DLG2: variants seen among roughly 807,000 people sequenced by gnomAD.
DLG2 encodes the protein discs large MAGUK scaffold protein 2.
DLG2 carries 45 observed loss-of-function variants against 132.5 expected under a neutral mutation model. The ratio of observed to expected loss-of-function variants is 0.34; its 90% CI spans 0.27 to 0.44. DLG2 has a LOEUF of 0.44. Ranked by LOEUF, DLG2 falls within the 20% of genes least tolerant of loss-of-function variation. The pLI is 1.00. For missense variants in DLG2, 1,045 were observed against 1,196.9 expected (o/e 0.87, Z 1.87); for synonymous variants, 424 against 419.6 (o/e 1.01, Z -0.13).
chr11:84,473,173 T>G (rs910515892), intron 7 of DLG2, among the ~76,000 whole-genome samples: 14 of 152,002 alleles, frequency 9.2e-5, no homozygotes, highest in Non-Finnish European at 1.3e-4. Context: ...CCTGATTCAA[T>G]GCTTGTTCTG....
intron 6 of DLG2, among the ~76,000 whole-genome samples, chr11:84,618,379 G>A (rs766909663): frequency 1.3e-5 from 2 of 152,010 alleles, no homozygotes; most frequent in Non-Finnish European, 2.9e-5. Flanking sequence ...GAGCCGTCCT[G>A]CTATAATACG....
intron 18 of DLG2, among the ~76,000 whole-genome samples, chr11:83,671,020 ATAT>A (rs1016810236): frequency 2.6e-5 from 4 of 152,188 alleles, no homozygotes; most frequent in African/African-American, 4.8e-5. Flanking sequence ...TTCTTTGTAC[ATAT>A]TATATTTAAA....
intron 3 of DLG2, among the ~76,000 whole-genome samples, chr11:85,405,304 C>T (rs935153110): frequency 1.3e-5 from 2 of 151,898 alleles, no homozygotes; most frequent in African/African-American, 4.8e-5. Flanking sequence ...AAGGAATAAG[C>T]AACTAATAAA....
intron 6 of DLG2, among the ~76,000 whole-genome samples, chr11:84,662,319 G>A (rs2099695270): frequency 6.6e-6 from 1 of 151,128 alleles, no homozygotes; most frequent in African/African-American, 2.4e-5. Context: ...TGGGATTATA[G>A]GCACATGCCA....
At chr11:83,695,982 A>T (rs1592612884) in intron 18 of DLG2, among the ~76,000 whole-genome samples, 2 of 152,140 alleles carry the variant, frequency 1.3e-5, no homozygotes, top group Admixed American at 1.3e-4. Context: ...CACGGGGTGG[A>T]TCATTCTCTG....
intron 6 of DLG2, chr11:84,720,163 G>C: frequency 1.4e-6 from 1 of 695,748 alleles, no homozygotes; most frequent in Non-Finnish European, 1.8e-6. Flanking sequence ...AACCCAGCTG[G>C]CTCCCAGAAA....
chr11:84,374,524 A>AT (rs755888815), intron 7 of DLG2, among the ~76,000 whole-genome samples: 3 of 152,082 alleles, frequency 2.0e-5, no homozygotes. Flanking sequence ...ATGTTAGTGT[A>AT]TTTTATGTGT....
intron 6 of DLG2, among the ~76,000 whole-genome samples, chr11:85,018,834 G>A (rs1248011895): frequency 2.4e-5 from 3 of 126,772 alleles, no homozygotes; most frequent in African/African-American, 5.9e-5. Context: ...ATAAGGACTT[G>A]TTTATTTTGA....
intron 7 of DLG2, among the ~76,000 whole-genome samples, chr11:84,408,342 T>C (rs1288147839): frequency 1.3e-5 from 2 of 150,838 alleles, no homozygotes; most frequent in African/African-American, 2.4e-5. Context: ...ACATGTTATA[T>C]ATATATATAT....
At chr11:83,907,421 T>C (rs1282955064) in intron 15 of DLG2, among the ~76,000 whole-genome samples, 1 of 152,178 alleles carries the variant, frequency 6.6e-6, no homozygotes, top group East Asian at 1.9e-4. Context: ...GTGACCTTCC[T>C]TTGGTTCACA....
intron 7 of DLG2, among the ~76,000 whole-genome samples, chr11:84,281,425 C>CT (rs201367147): frequency 1.3e-4 from 19 of 151,128 alleles, no homozygotes; most frequent in South Asian, 4.2e-4. Context: ...ACAAATAACT[C>CT]TTTTTTTTTG....
At chr11:84,227,767 A>G (rs2097024518) in intron 8 of DLG2, among the ~76,000 whole-genome samples, 1 of 152,092 alleles carries the variant, frequency 6.6e-6, no homozygotes, top group Non-Finnish European at 1.5e-5. Context: ...TACAAAAATT[A>G]GCTAGCTGTG....
chr11:84,350,904 A>G (rs2098562930), intron 7 of DLG2, among the ~76,000 whole-genome samples: 1 of 152,226 alleles, frequency 6.6e-6, no homozygotes, highest in South Asian at 2.1e-4. Context: ...AAAGCAATCT[A>G]TCAGACCAAA....
chr11:84,606,780 G>A (rs190773846), intron 6 of DLG2, among the ~76,000 whole-genome samples: 59 of 152,112 alleles, frequency 3.9e-4, no homozygotes, highest in Middle Eastern at 3.4e-3. Context: ...ATAAAAAGGG[G>A]AAGAAAAAGG....
intron 7 of DLG2, chr11:84,273,403 A>T: frequency 2.4e-6 from 3 of 1,232,284 alleles, no homozygotes; most frequent in Non-Finnish European, 3.1e-6. Context: ...TTAAAAAAAA[A>T]GTTAATCAGA....
chr11:84,753,289 C>T (rs2066424065), intron 6 of DLG2, among the ~76,000 whole-genome samples: 1 of 152,054 alleles, frequency 6.6e-6, no homozygotes, highest in African/African-American at 2.4e-5. Context: ...AAAGATGTGA[C>T]TGGATAAAGA....
chr11:84,021,680 T>C (rs766272221), intron 11 of DLG2, among the ~76,000 whole-genome samples: 3 of 152,156 alleles, frequency 2.0e-5, no homozygotes, highest in Non-Finnish European at 4.4e-5. Context: ...ACTGGGGAAA[T>C]AAGTTACATA....
At chr11:84,039,985 T>G (rs1041467901) in intron 11 of DLG2, among the ~76,000 whole-genome samples, 1 of 150,428 alleles carries the variant, frequency 6.6e-6, no homozygotes, top group African/African-American at 2.4e-5. Flanking sequence ...GATGAGCATT[T>G]TTTCATGTGT....
At chr11:84,137,241 C>T (rs1374687513) in intron 9 of DLG2, among the ~76,000 whole-genome samples, 1 of 152,146 alleles carries the variant, frequency 6.6e-6, no homozygotes, top group Non-Finnish European at 1.5e-5. Context: ...AACTATGCAG[C>T]TTTGACATGC....
Sources: gnomAD v4.1 joint callset for allele counts (sites outside exome capture counted in the v4.1 genomes callset) on GRCh38, gnomAD v4.1.1 for gene constraint, MANE v1.5 for transcripts, NCBI Gene and HGNC (gene_info 2026-07-23, HGNC 2026-07-21) for gene names.